The following DNER variants were observed in gnomAD, a reference collection of about 807,000 sequenced individuals.
DNER encodes delta/notch like EGF repeat containing, also known as delta and Notch-like epidermal growth factor-related receptor.
Under a neutral mutation model 78.2 loss-of-function variants are expected in DNER, and 33 were observed. The ratio of observed to expected loss-of-function variants is 0.42; its 90% CI spans 0.32 to 0.56. The LOEUF is 0.56. DNER is among the 20% of genes least tolerant of loss of function. The pLI is 0.11. For missense variants in DNER, 918 were observed against 975.3 expected (o/e 0.94, Z 0.78); for synonymous variants, 417 against 384.8 (o/e 1.08, Z -0.98).
intron 1 of DNER, among the ~76,000 whole-genome samples, chr2:229,629,926 TAGA>T (rs762632442): frequency 2.1e-4 from 32 of 152,194 alleles, no homozygotes; most frequent in Non-Finnish European, 3.7e-4. Flanking sequence ...AACACAATAT[TAGA>T]AGGTTATTAT....
At chr2:229,710,909 C>T (rs559149219) in intron 1 of DNER, among the ~76,000 whole-genome samples, 1 of 151,674 alleles carries the variant, frequency 6.6e-6, no homozygotes, top group Non-Finnish European at 1.5e-5. Flanking sequence ...GTGTGAACAT[C>T]CCACAGAGAC....
intron 1 of DNER, among the ~76,000 whole-genome samples, chr2:229,639,230 A>C (rs1205049764): frequency 6.6e-6 from 1 of 152,186 alleles, no homozygotes; most frequent in South Asian, 2.1e-4. Context: ...CAATTATTTT[A>C]GACTGTTTTC....
At chr2:229,385,093 C>T (rs965465900) in intron 11 of DNER, among the ~76,000 whole-genome samples, 1 of 144,824 alleles carries the variant, frequency 6.9e-6, no homozygotes, top group African/African-American at 2.5e-5. Context: ...CAGAGCGAGA[C>T]TCCATCTAAA....
At chr2:229,604,298 T>C (rs7556833) in intron 1 of DNER, among the ~76,000 whole-genome samples, 2,501 of 152,258 alleles carry the variant, frequency 0.016, 74 homozygotes, top group African/African-American at 0.057. Context: ...ATGACACCAA[T>C]GTGGGGTAGC....
chr2:229,507,344 T>C (rs1289998950), intron 6 of DNER, among the ~76,000 whole-genome samples: 1 of 152,220 alleles, frequency 6.6e-6, no homozygotes, highest in Non-Finnish European at 1.5e-5. Flanking sequence ...ATGACTATAC[T>C]TCTATTATTG....
intron 6 of DNER, among the ~76,000 whole-genome samples, chr2:229,483,630 A>G (rs1356485042): frequency 6.6e-6 from 1 of 152,200 alleles, no homozygotes; most frequent in Non-Finnish European, 1.5e-5. Context: ...GAACGCATAC[A>G]AAAGATAATT....
At chr2:229,531,996 G>A (rs534876569) in intron 5 of DNER, among the ~76,000 whole-genome samples, 3 of 152,166 alleles carry the variant, frequency 2.0e-5, no homozygotes, top group Non-Finnish European at 4.4e-5. Flanking sequence ...AGGGGTTGGG[G>A]GAAGGGACAA....
At chr2:229,650,635 C>T (rs915905608) in intron 1 of DNER, among the ~76,000 whole-genome samples, 1 of 152,130 alleles carries the variant, frequency 6.6e-6, no homozygotes, top group Non-Finnish European at 1.5e-5. Flanking sequence ...ACCCCAAGGG[C>T]CCCTACACAC....
chr2:229,389,939 C>A (rs207669), intron 10 of DNER, among the ~76,000 whole-genome samples: 4,310 of 152,210 alleles, frequency 0.028, 200 homozygotes, highest in African/African-American at 0.098. Context: ...AAATTGATTG[C>A]CTATTTCAAA....
At chr2:229,398,625 TTC>T (rs1199485812) in intron 10 of DNER, among the ~76,000 whole-genome samples, 1 of 152,124 alleles carries the variant, frequency 6.6e-6, no homozygotes, top group Non-Finnish European at 1.5e-5. Flanking sequence ...CAAAATTGTT[TTC>T]TTTCTTTTTT....
intron 8 of DNER, among the ~76,000 whole-genome samples, chr2:229,432,627 G>A (rs1694032056): frequency 6.6e-6 from 1 of 151,968 alleles, no homozygotes; most frequent in African/African-American, 2.4e-5. Flanking sequence ...ATCACACTTG[G>A]GTCTCAGTGC....
intron 4 of DNER, among the ~76,000 whole-genome samples, 190 bp from the exon 5 acceptor site, chr2:229,547,282 T>C (rs1471782926): frequency 6.6e-6 from 1 of 152,100 alleles, no homozygotes; most frequent in African/African-American, 2.4e-5. Context: ...ACCTCAGGAC[T>C]TTAGGGCAGG....
intron 6 of DNER, among the ~76,000 whole-genome samples, chr2:229,480,635 T>A (rs1451539235): frequency 3.9e-5 from 6 of 152,206 alleles, no homozygotes; most frequent in Non-Finnish European, 7.3e-5. Context: ...CATTTTTAAT[T>A]GTCATAACAG....
chr2:229,700,010 A>G (rs1270236903), intron 1 of DNER, among the ~76,000 whole-genome samples: 1 of 152,128 alleles, frequency 6.6e-6, no homozygotes, highest in East Asian at 1.9e-4. Flanking sequence ...TTACGAATCA[A>G]TGTGGGGAAA....
At chr2:229,386,900 T>C (rs1692879916) in intron 11 of DNER, among the ~76,000 whole-genome samples, 1 of 152,146 alleles carries the variant, frequency 6.6e-6, no homozygotes, top group African/African-American at 2.4e-5. Context: ...TGTTCAACCA[T>C]TGTGGAAGAC....
intron 11 of DNER, among the ~76,000 whole-genome samples, chr2:229,368,371 A>T (rs1483778464): frequency 3.3e-5 from 5 of 152,124 alleles, no homozygotes; most frequent in African/African-American, 9.7e-5. Flanking sequence ...TCAAAAGAAG[A>T]AAAAACACAC....
chr2:229,637,249 A>G (rs1698545436), intron 1 of DNER, among the ~76,000 whole-genome samples: 1 of 152,222 alleles, frequency 6.6e-6, no homozygotes, highest in Non-Finnish European at 1.5e-5. Context: ...AGAATTGTTG[A>G]ATGGGGTATT....
At chr2:229,373,021 A>G (rs934456509) in intron 11 of DNER, among the ~76,000 whole-genome samples, 33 of 152,300 alleles carry the variant, frequency 2.2e-4, no homozygotes, top group African/African-American at 7.2e-4. Flanking sequence ...TGGAGGTACC[A>G]ATTCTGGACA....
intron 8 of DNER, among the ~76,000 whole-genome samples, chr2:229,424,738 G>C (rs1693838048): frequency 6.6e-6 from 1 of 152,092 alleles, no homozygotes; most frequent in South Asian, 2.1e-4. Flanking sequence ...TATGAATTTG[G>C]GGTGGAGGGC....
Sources: gnomAD v4.1 joint callset for allele counts (sites outside exome capture counted in the v4.1 genomes callset) on GRCh38, gnomAD v4.1.1 for gene constraint, MANE v1.5 for transcripts, NCBI Gene and HGNC (gene_info 2026-07-23, HGNC 2026-07-21) for gene names.